STARD13: variants seen among roughly 807,000 people sequenced by gnomAD.
The protein encoded by STARD13 is stAR-related lipid transfer protein 13.
A neutral mutation model predicts 106.4 loss-of-function variants in STARD13; 62 were observed. The observed-to-expected ratio is 0.58, with a 90% CI of 0.48 to 0.72. The LOEUF (loss-of-function observed/expected upper bound fraction) is 0.72. Among genes scored for constraint, STARD13 ranks in the 30% least tolerant of loss-of-function variants. The probability of loss-of-function intolerance (pLI) is 0.00; values close to 1 mark genes in which losing one functional copy is unlikely to be tolerated. For missense variants in STARD13, 1,387 were observed against 1,424.0 expected, an observed-to-expected ratio of 0.97 and a Z score of 0.42; for synonymous variants, 565 against 553.0, an observed-to-expected ratio of 1.02 and a Z score of -0.31.
the STARD13 span, among the ~76,000 whole-genome samples, chr13:33,544,563 T>G: frequency 1.3e-5 from 2 of 152,168 alleles, no homozygotes; most frequent in African/African-American, 2.4e-5. Flanking sequence ...TTTAAATCAC[T>G]GCTATTTTGT....
At chr13:33,599,345 A>G in the STARD13 span, among the ~76,000 whole-genome samples, 1 of 152,196 alleles carries the variant, frequency 6.6e-6, no homozygotes, top group Non-Finnish European at 1.5e-5. Context: ...CTTAACCTGA[A>G]ATCAAATGAG....
the STARD13 span, among the ~76,000 whole-genome samples, chr13:33,541,099 T>G: frequency 2.0e-5 from 3 of 152,092 alleles, no homozygotes; most frequent in African/African-American, 7.2e-5. Flanking sequence ...CTTTATAGTA[T>G]AATGGTAGCA....
intron 5 of STARD13, 52 bp downstream of exon 5, chr13:33,128,877 A>G: frequency 2.0e-6 from 3 of 1,534,922 alleles, no homozygotes; most frequent in East Asian, 4.5e-5. Flanking sequence ...TAAACAGAAC[A>G]CAATTACTAT....
chr13:33,650,651 A>G, the STARD13 span, among the ~76,000 whole-genome samples: 1 of 152,254 alleles, frequency 6.6e-6, no homozygotes, highest in Non-Finnish European at 1.5e-5. Flanking sequence ...GAAGCCACAG[A>G]TGAAGGTGTG....
At position 33,130,369 on chromosome 13, in the gene STARD13, G is replaced by T. The variant is rs7986684; in HGVS notation, c.388-80C>A. The stretch of plus-strand genomic sequence containing the variant: ...CTCTGGGTGCTCTGAGGGCAGCCCT[G>T]TGTGGTCCTCCACCTCCCTCCCCTC... On this transcript the variant is annotated intron_variant, in intron 4 of 13. Coordinates refer to ENST00000336934, the MANE Select transcript of STARD13 (RefSeq NM_178006.4). This position sits in a 1 kb window ranked among gnomAD's most constrained non-coding sequence, Gnocchi z 4.1. The T allele has an allele frequency of 3.4e-3, 4,733 of 1,406,910 alleles. 135 individuals are homozygous for T. In the African/African-American group the frequency reaches 0.06, roughly 18 times the overall value. The allele number at this position is 1,406,910 out of a possible 1,614,324, so 87.2% of individuals were successfully genotyped here. A position where few individuals can be genotyped will look rare whatever the true frequency, so the allele number is the denominator to read the frequency against.
At chr13:33,362,136 G>T in the STARD13 span, among the ~76,000 whole-genome samples, 2 of 152,072 alleles carry the variant, frequency 1.3e-5, no homozygotes, top group African/African-American at 2.4e-5. Context: ...TAATTAGCTC[G>T]TTGTTCTGCA....
At chr13:33,451,352 A>C in the STARD13 span, among the ~76,000 whole-genome samples, 3 of 152,224 alleles carry the variant, frequency 2.0e-5, no homozygotes, top group African/African-American at 7.2e-5. Flanking sequence ...ATAATCTAGA[A>C]GCAACATGAG....
At chr13:33,476,093 T>C in the STARD13 span, among the ~76,000 whole-genome samples, 4 of 152,158 alleles carry the variant, frequency 2.6e-5, no homozygotes, top group African/African-American at 9.7e-5. Context: ...ATGAGAAAAA[T>C]TGTGATACGG....
At chr13:33,185,452 C>A (rs1885662078) in intron 1 of STARD13, among the ~76,000 whole-genome samples, 1 of 152,170 alleles carries the variant, frequency 6.6e-6, no homozygotes, top group South Asian at 2.1e-4. Flanking sequence ...ATCACTGTCT[C>A]CTTCGCTTAG....
At chr13:33,210,904 C>A (rs954704657) in intron 1 of STARD13, among the ~76,000 whole-genome samples, 3 of 152,138 alleles carry the variant, frequency 2.0e-5, no homozygotes, top group African/African-American at 7.2e-5. Context: ...CTGTTGTTAC[C>A]ATTTCTCCAT....
chr13:33,292,803 T>C (rs546582076), intron 1 of STARD13, among the ~76,000 whole-genome samples: 5 of 152,168 alleles, frequency 3.3e-5, no homozygotes, highest in Non-Finnish European at 5.9e-5. Context: ...AGTACACTAT[T>C]GTCTGTGATC....
chr13:33,111,147 AT>A (rs2138069825), intron 10 of STARD13, among the ~76,000 whole-genome samples: 1 of 152,302 alleles, frequency 6.6e-6, no homozygotes, highest in South Asian at 2.1e-4. Context: ...CTTCCCCTTT[AT>A]TATTTTCACT....
intron 1 of STARD13, among the ~76,000 whole-genome samples, chr13:33,256,784 G>C (rs1890386088): frequency 6.6e-6 from 1 of 152,212 alleles, no homozygotes; most frequent in African/African-American, 2.4e-5. Flanking sequence ...CCATCTGTAG[G>C]TGATGAGCAG....
At chr13:33,664,343 G>A in the STARD13 span, among the ~76,000 whole-genome samples, 2 of 152,152 alleles carry the variant, frequency 1.3e-5, no homozygotes, top group Admixed American at 6.5e-5. Context: ...TGAGTTTTTG[G>A]TGTCACAGCT....
intron 8 of STARD13, chr13:33,117,633 C>G: frequency 2.0e-6 from 2 of 978,252 alleles, no homozygotes; most frequent in Non-Finnish European, 2.4e-6. Context: ...TGCTAAAATA[C>G]ATTTGTTTTT....
the STARD13 span, among the ~76,000 whole-genome samples, chr13:33,509,802 G>A: frequency 1.1e-3 from 161 of 152,314 alleles, no homozygotes; most frequent in Non-Finnish European, 2.0e-3. Context: ...TGCCTAACTC[G>A]TAGGGCGAAT....
At chr13:33,279,300 CTTGTGTTTCTGTGTT>C (rs1891633309) in intron 1 of STARD13, among the ~76,000 whole-genome samples, 1 of 152,118 alleles carries the variant, frequency 6.6e-6, no homozygotes, top group Non-Finnish European at 1.5e-5. Flanking sequence ...TTTTTTCTAA[CTTGTGTTTCTGTGTT>C]CATGATTAAT....
chr13:33,504,263 C>G, the STARD13 span, among the ~76,000 whole-genome samples: 1 of 151,906 alleles, frequency 6.6e-6, no homozygotes, highest in African/African-American at 2.4e-5. Flanking sequence ...AGGTATATAC[C>G]CAAAGGATTA....
At chr13:33,614,884 C>T in the STARD13 span, among the ~76,000 whole-genome samples, 1 of 152,088 alleles carries the variant, frequency 6.6e-6, no homozygotes, top group Non-Finnish European at 1.5e-5. Flanking sequence ...AGGCAGGCAC[C>T]GATCACATGG....
Sources: gnomAD v4.1 joint callset for allele counts (sites outside exome capture counted in the v4.1 genomes callset) on GRCh38, gnomAD v4.1.1 for gene constraint, Gnocchi (gnomAD v3.1) non-coding constraint, MANE v1.5 for transcripts, NCBI Gene and HGNC (gene_info 2026-07-23, HGNC 2026-07-21) for gene names.